FAT1: variants seen among roughly 807,000 people sequenced by gnomAD.
FAT1 encodes the protein FAT atypical cadherin 1.
Under a neutral mutation model 329.8 loss-of-function variants are expected in FAT1, and 171 were observed. The observed-to-expected ratio is 0.52, with a 90% CI of 0.46 to 0.59. The LOEUF (loss-of-function observed/expected upper bound fraction) is 0.59, where lower values mean the gene tolerates loss of function less well. FAT1 is among the 20% of genes least tolerant of loss of function. The pLI, the probability that FAT1 is intolerant of heterozygous loss-of-function variation, is 0.00. For missense variants in FAT1, 5,672 were observed against 5,774.4 expected, an observed-to-expected ratio of 0.98 and a Z score of 0.57; for synonymous variants, 2,233 against 2,228.6, an observed-to-expected ratio of 1.00 and a Z score of -0.06.
At chr4:186,682,047 C>G (rs769908937) in intron 2 of FAT1, among the ~76,000 whole-genome samples, 1 of 152,162 alleles carries the variant, frequency 6.6e-6, no homozygotes, top group East Asian at 1.9e-4. Flanking sequence ...CATAATAGTT[C>G]GTGTTTAGTC....
Position 186,660,812 on chromosome 4 carries a change from G to A in FAT1, c.3580+2487C>T, listed in dbSNP as rs370935684. On this transcript the variant is annotated intron_variant, in intron 3 of 26. Coordinates refer to ENST00000441802, the MANE Select transcript of FAT1 (RefSeq NM_005245.4). ...ATAGCAGACACATCATCATTTCTGG[G>A]GTCCCAGGAAGAACCAAGGGTTTTC... Among the ~76,000 whole-genome samples, 47 of 152,218 alleles carry A rather than the reference G, an allele frequency of 3.1e-4. 1 individual carries two copies. Among genetic ancestry groups the A allele is most frequent in the Non-Finnish European group, 5.9e-4 (40 of 68,018 alleles).
chr4:186,604,584 A>G lies in FAT1; in HGVS notation c.10351-10T>C, dbSNP rs1420285504. The stretch of plus-strand genomic sequence containing the variant: ...CCACTGGCTTATTTTCCTGCACAAG[A>G]TTAGAAACAAAATTAAACAAAAATC... On this transcript the variant is annotated splice_polypyrimidine_tract_variant and intron_variant, in intron 17 of 26. Coordinates refer to ENST00000441802, the MANE Select transcript of FAT1 (RefSeq NM_005245.4). 1 of 1,590,294 alleles carries G rather than the reference A, an allele frequency of 6.3e-7. No homozygotes were observed.
At chr4:186,626,984 C>A (rs1740338150) in intron 9 of FAT1, among the ~76,000 whole-genome samples, 1 of 110,274 alleles carries the variant, frequency 9.1e-6, no homozygotes, top group Admixed American at 9.3e-5. Flanking sequence ...GCACCTGGCA[C>A]ATAAAGCGAG....
At chr4:186,633,027 T>C (rs1740662997) in intron 7 of FAT1, among the ~76,000 whole-genome samples, 1 of 152,088 alleles carries the variant, frequency 6.6e-6, no homozygotes, top group Non-Finnish European at 1.5e-5. Context: ...AATAAATGAG[T>C]GAATGACACT....
At chr4:186,635,662 T>C (rs529130524) in intron 6 of FAT1, among the ~76,000 whole-genome samples, 2 of 152,208 alleles carry the variant, frequency 1.3e-5, no homozygotes, top group Non-Finnish European at 2.9e-5. Context: ...TGCCATAGGT[T>C]ATGCATCAAT....
At chr4:186,699,198 A>G (rs568494347) in intron 2 of FAT1, among the ~76,000 whole-genome samples, 2 of 152,358 alleles carry the variant, frequency 1.3e-5, no homozygotes, top group South Asian at 2.1e-4. Flanking sequence ...TGTGATAAGA[A>G]TATGGTTAAA....
intron 1 of FAT1, among the ~76,000 whole-genome samples, chr4:186,713,426 G>A (rs764360972): frequency 1.3e-4 from 19 of 151,990 alleles, no homozygotes; most frequent in Admixed American, 3.3e-4. Flanking sequence ...CGTAGCAAGC[G>A]GGTAAAATCA....
rs1413443913 is a variant in FAT1, at chr4:186,604,505, G to C, written c.10420C>G (p.Pro3474Ala). ...GTTACAATAGTAAAGAAGAAGGGTG[G>C]ACCGTTATGGGAAGAATCCTCATCT... ...VTDEDSSHNG[P>A]PFFFTIVTGN... Residue 3474 changes from proline to alanine, a missense_variant, in exon 18 of 27, where the codon CCA becomes GCA. By Grantham distance (27) the Pro-to-Ala change is conservative. Coordinates refer to ENST00000441802, the MANE Select transcript of FAT1 (RefSeq NM_005245.4). 1 of 1,613,716 alleles carries C rather than the reference G, an allele frequency of 6.2e-7. No individual in the cohort carries two copies. Among genetic ancestry groups the C allele is most frequent in the East Asian group, 2.2e-5 (1 of 44,864 alleles).
chr4:186,594,318 C>A (rs891997252), intron 26 of FAT1, among the ~76,000 whole-genome samples: 2 of 152,104 alleles, frequency 1.3e-5, no homozygotes, highest in Admixed American at 6.5e-5. Flanking sequence ...GCCTTCACCT[C>A]CCAAAGTGCT....
At chr4:186,704,814 T>C (rs981369978) in intron 2 of FAT1, among the ~76,000 whole-genome samples, 24 of 152,180 alleles carry the variant, frequency 1.6e-4, no homozygotes, top group African/African-American at 5.3e-4. Context: ...TAATTATGGG[T>C]ATTTTAGATA....
At chr4:186,655,692 C>T (rs1323839534) in intron 3 of FAT1, among the ~76,000 whole-genome samples, 3 of 152,174 alleles carry the variant, frequency 2.0e-5, no homozygotes, top group South Asian at 2.1e-4. Context: ...CTCAGCCTCC[C>T]GAAGTGCTGG....
intron 2 of FAT1, among the ~76,000 whole-genome samples, chr4:186,705,525 G>A (rs1744541794): frequency 1.3e-5 from 2 of 152,144 alleles, no homozygotes; most frequent in Admixed American, 1.3e-4. Context: ...CATTCTCAGA[G>A]GGCAGGACAT....
At position 186,692,822 on chromosome 4, in the gene FAT1, A is replaced by G. The variant is rs903857916; in HGVS notation, c.3265+13741T>C. Among the ~76,000 whole-genome samples, 10 of 152,192 alleles carry G rather than the reference A, an allele frequency of 6.6e-5. No homozygotes were observed. In the East Asian group the frequency reaches 1.7e-3, roughly 26 times the overall value. The stretch of plus-strand genomic sequence containing the variant: ...GTTTGTGACAAATTAATTAGCAGGA[A>G]GTGGTGCTAATGAGAAAAACGAACA... On this transcript the variant is annotated intron_variant, in intron 2 of 26. Transcript: ENST00000441802.
intron 23 of FAT1, 24 bp downstream of exon 23, chr4:186,597,948 G>C (rs371249526): frequency 1.1e-5 from 17 of 1,587,658 alleles, no homozygotes; most frequent in Admixed American, 3.7e-5. Context: ...AATTGATTAT[G>C]AAAGTTAAGA....
Position 186,606,210 on chromosome 4 carries a change from A to C in FAT1, c.10210T>G (p.Ser3404Ala). ...GCTTGAACCGTGAGCGTGTAACCTG[A>C]AATCTTTTCAGGCAAAAGACAGAAT... Reference protein sequence around the residue: ...VTKLLDRETISGYTLTVQASD... With the variant: ...VTKLLDRETIAGYTLTVQASD... Residue 3404 changes from serine to alanine, a missense_variant, in exon 17 of 27, where the codon TCA becomes GCA. By Grantham distance (99) the Ser-to-Ala change is moderately conservative (BLOSUM62 1). Around this residue, in one of 2 missense-constraint regions of FAT1, gnomAD observed 1,706 missense variants for 1,859.1 expected, o/e 0.92. Transcript: ENST00000441802. 6.2e-7 allele frequency: 1 copy of C among 1,612,822 alleles called. No homozygotes were observed. Among genetic ancestry groups the C allele is most frequent in the South Asian group, 1.1e-5 (1 of 90,824 alleles).
At chr4:186,672,333 A>C (rs1165633468) in intron 2 of FAT1, among the ~76,000 whole-genome samples, 2 of 152,218 alleles carry the variant, frequency 1.3e-5, no homozygotes, top group African/African-American at 4.8e-5. Flanking sequence ...TGGGCCAATC[A>C]AACTGCTAGG....
chr4:186,591,739 GC>G (rs1298920677), intron 26 of FAT1, among the ~76,000 whole-genome samples: 2 of 152,156 alleles, frequency 1.3e-5, no homozygotes, highest in East Asian at 3.9e-4. Flanking sequence ...AGAAGTGTAG[GC>G]GTCATCAGTA....
chr4:186,594,013 A>T (rs1738368319), intron 26 of FAT1, among the ~76,000 whole-genome samples: 1 of 152,142 alleles, frequency 6.6e-6, no homozygotes, highest in Non-Finnish European at 1.5e-5. Context: ...GCATTGTACT[A>T]TCTGGAAGCT....
In FAT1 at chr4:186,599,922, C is replaced by T. The variant is rs376826855; in HGVS notation, c.12079G>A (p.Val4027Ile). The change falls in exon 22 of 27, where the codon GTT (valine) becomes ATT (isoleucine). Residue 4027 changes from valine to isoleucine, a missense_variant. Transcript: ENST00000441802. ...CASNPCQNGG[V>I]CNPSPAGGYY... is the part of the protein sequence containing the mutation. ...CCTCCAGCAGGTGACGGATTGCAAACGCCTCCATTCTGGCAAGGGTTGCTG... is the reference window on the plus strand; with the variant it reads ...CCTCCAGCAGGTGACGGATTGCAAATGCCTCCATTCTGGCAAGGGTTGCTG... 15 of 1,612,026 alleles carry T rather than the reference C, an allele frequency of 9.3e-6. No homozygotes were observed. The highest frequency in any genetic ancestry group is 4.0e-5 in the African/African-American group (3 of 74,882).
Sources: gnomAD v4.1 joint callset for allele counts (sites outside exome capture counted in the v4.1 genomes callset) on GRCh38, gnomAD v4.1.1 for gene constraint, gnomAD v4.1.1 regional missense constraint, MANE v1.5 for transcripts, NCBI Gene and HGNC (gene_info 2026-07-23, HGNC 2026-07-21) for gene names.